SGTA: variants seen among roughly 807,000 people sequenced by gnomAD.
SGTA encodes small glutamine rich tetratricopeptide repeat co-chaperone alpha.
A neutral mutation model predicts 44.3 loss-of-function variants in SGTA; 22 were observed. The ratio of observed to expected loss-of-function variants is 0.50; its 90% CI spans 0.36 to 0.71. SGTA has a LOEUF of 0.71. Ranked by LOEUF, SGTA falls within the 30% of genes least tolerant of loss-of-function variation. The pLI, the probability that SGTA is intolerant of heterozygous loss-of-function variation, is 0.00. For missense variants in SGTA, 341 were observed against 435.9 expected, an observed-to-expected ratio of 0.78 and a Z score of 1.94; for synonymous variants, 174 against 177.6, an observed-to-expected ratio of 0.98 and a Z score of 0.16.
chr19:2,760,230 CTT>C (rs1914944232), intron 8 of SGTA, among the ~76,000 whole-genome samples: 1 of 151,994 alleles, frequency 6.6e-6, no homozygotes, highest in Non-Finnish European at 1.5e-5. Flanking sequence ...GCCAATAAAA[CTT>C]TATTGGTCAG....
Position 2,766,366 on chromosome 19 carries a change from T to A in SGTA, c.292+770A>T, listed in dbSNP as rs141438584. ...ATTCCACCGTGTAGATGGGCCATGC[T>A]GTGCTGACCATTTAGCGTGGACAGG... On this transcript the variant is annotated intron_variant, in intron 4 of 11. Transcript: ENST00000221566. Among the ~76,000 whole-genome samples, 599 of 152,236 alleles carry A rather than the reference T, an allele frequency of 3.9e-3. 6 individuals are homozygous for A. The Middle Eastern group carries it at 0.041, about 10-fold the overall frequency.
intron 1 of SGTA, among the ~76,000 whole-genome samples, chr19:2,781,175 A>T (rs1915566626): frequency 6.6e-6 from 1 of 152,202 alleles, no homozygotes; most frequent in South Asian, 2.1e-4. Context: ...TGTAGAATTG[A>T]GTAAGACGAC....
intron 1 of SGTA, among the ~76,000 whole-genome samples, chr19:2,769,539 T>C (rs1915241051): frequency 6.6e-6 from 1 of 152,204 alleles, no homozygotes; most frequent in Non-Finnish European, 1.5e-5. Flanking sequence ...AGAGACCTTG[T>C]CCTCAGCCAG....
intron 1 of SGTA, chr19:2,782,747 A>G (rs1232829810): frequency 6.6e-6 from 1 of 152,134 alleles, no homozygotes; most frequent in Non-Finnish European, 1.5e-5. Context: ...CTAGGCAGGG[A>G]CTTTTGAACA....
At chr19:2,770,437 G>A (rs545204122) in intron 1 of SGTA, 9 of 152,390 alleles carry the variant, frequency 5.9e-5, no homozygotes, top group Non-Finnish European at 8.8e-5. Flanking sequence ...AGCTTCCCCC[G>A]GGGCAGGCTG....
chr19:2,764,580 T>G (rs990241311), intron 5 of SGTA, among the ~76,000 whole-genome samples: 2 of 151,900 alleles, frequency 1.3e-5, no homozygotes, highest in Non-Finnish European at 2.9e-5. Context: ...GTGGTTTTTT[T>G]CGGGGTTTTT....
At chr19:2,756,792 A>C (rs1914830315) in intron 11 of SGTA, among the ~76,000 whole-genome samples, 1 of 152,110 alleles carries the variant, frequency 6.6e-6, no homozygotes, top group Non-Finnish European at 1.5e-5. Context: ...CCTGGAACCC[A>C]TGGGGGACAC....
rs1298178663 is a variant in SGTA at position 2,757,397 on chromosome 19, C to G, written c.888G>C (p.Arg296Ser). The change falls in exon 11 of 12, where the codon AGG becomes AGC. Residue 296 changes from arginine to serine, a missense_variant. Arg to Ser is a moderately radical substitution (Grantham distance 110). Coordinates refer to ENST00000221566, the MANE Select transcript of SGTA (RefSeq NM_003021.4). ...TGGGCGTCCGACTCCGGATCTGGCT[C>G]CTGAGCTGCTCTATCAACTCTGGGT... ...QQNPELIEQL[R>S]SQIRSRTPSA... 6.2e-7 allele frequency: 1 copy of G among 1,608,258 alleles called. No homozygotes were observed.
At position 2,759,688 on chromosome 19, in the gene SGTA, C is replaced by T. The variant is rs149402346; in HGVS notation, c.700-394G>A. On this transcript the variant is annotated intron_variant, in intron 8 of 11. Coordinates refer to ENST00000221566, the MANE Select transcript of SGTA (RefSeq NM_003021.4). ...CAATAAATAGCACTGTGGCTGGGCG[C>T]GGTGGTTCACGCCTGGAATCCCAGC... is the stretch of plus-strand genomic sequence containing the variant. 8.8e-3 allele frequency: 1,832 copies of T among 209,200 alleles called. 77 individuals carry two copies. Among genetic ancestry groups the T allele is most frequent in the Admixed American group, 0.079 (1,475 of 18,726 alleles). The allele number at this position is 209,200 out of a possible 1,614,324, so 13.0% of individuals were successfully genotyped here. A position where few individuals can be genotyped will look rare whatever the true frequency, so the allele number is the denominator to read the frequency against.
chr19:2,778,316 T>C (rs1223152963), intron 1 of SGTA, among the ~76,000 whole-genome samples: 1 of 152,160 alleles, frequency 6.6e-6, no homozygotes, highest in Non-Finnish European at 1.5e-5. Flanking sequence ...GGTGTACCTG[T>C]TTCCTTCTCT....
Position 2,755,442 on chromosome 19 carries a change from G to A in SGTA, c.*498C>T. 1 of 987,762 alleles carries A rather than the reference G, an allele frequency of 1.0e-6. No homozygotes were observed. The highest frequency in any genetic ancestry group is 1.2e-6 in the Non-Finnish European group (1 of 830,218). 61.2% of individuals were successfully genotyped at this position (987,762 alleles called of 1,614,324 possible). On this transcript the variant is annotated 3_prime_UTR_variant, in exon 12 of 12. Coordinates refer to ENST00000221566, the MANE Select transcript of SGTA (RefSeq NM_003021.4). The surrounding 1 kb of genome is among the most constrained non-coding windows in gnomAD (Gnocchi z 5.2). Reference sequence around the variant, plus strand: ...CGCGGTGCCCAGGCCGCAGCTGGCAGTGAGCTCTTCCGAGCAGGCACAGGG... The same window carrying A: ...CGCGGTGCCCAGGCCGCAGCTGGCAATGAGCTCTTCCGAGCAGGCACAGGG...
intron 1 of SGTA, among the ~76,000 whole-genome samples, chr19:2,779,414 T>C (rs573896789): frequency 6.6e-6 from 1 of 152,268 alleles, no homozygotes; most frequent in African/African-American, 2.4e-5. Context: ...AGCCAGGCTT[T>C]CCCGTAAGAA....
At chr19:2,762,059 A>G (rs1228963762) in intron 7 of SGTA, among the ~76,000 whole-genome samples, 3 of 152,068 alleles carry the variant, frequency 2.0e-5, no homozygotes, top group African/African-American at 7.2e-5. Flanking sequence ...TTTGAAATAC[A>G]AACAAACTAA....
rs994924434 is a variant in SGTA at position 2,765,622 on chromosome 19, C to T, written c.293-337G>A. 3.3e-5 allele frequency among the ~76,000 whole-genome samples: 5 copies of T among 152,170 alleles called. No individual in the cohort carries two copies. Among genetic ancestry groups the T allele is most frequent in the East Asian group, 1.9e-4 (1 of 5,196 alleles). ...TTAATACAGCTCACCGGCCCGGGGACGGAAACTGTCCCTTTCGCTATTGCT... is the reference window on the plus strand; with the variant it reads ...TTAATACAGCTCACCGGCCCGGGGATGGAAACTGTCCCTTTCGCTATTGCT... On this transcript the variant is annotated intron_variant, in intron 4 of 11. Transcript: ENST00000221566. The surrounding 1 kb of genome is among the most constrained non-coding windows in gnomAD (Gnocchi z 5.5).
At position 2,765,638 on chromosome 19, in the gene SGTA, C is replaced by T. The variant is rs1915117464; in HGVS notation, c.293-353G>A. ...GCCCGGGGACGGAAACTGTCCCTTT[C>T]GCTATTGCTTTTGGAAAGAGCCCAA... On this transcript the variant is annotated intron_variant, in intron 4 of 11. Transcript: ENST00000221566. This position sits in a 1 kb window ranked among gnomAD's most constrained non-coding sequence, Gnocchi z 5.5. Among the ~76,000 whole-genome samples, 1 of 152,146 alleles carries T rather than the reference C, an allele frequency of 6.6e-6. No individual in the cohort carries two copies. The highest frequency in any genetic ancestry group is 1.5e-5 in the Non-Finnish European group (1 of 68,018).
intron 1 of SGTA, among the ~76,000 whole-genome samples, chr19:2,780,147 T>G (rs995764483): frequency 6.6e-6 from 1 of 152,020 alleles, no homozygotes; most frequent in African/African-American, 2.4e-5. Flanking sequence ...CCAGAAGGGA[T>G]CATTCAATGG....
rs549744827 is a variant in SGTA at position 2,759,758 on chromosome 19, C to T, written c.700-464G>A. Among the ~76,000 whole-genome samples, 11 of 152,128 alleles carry T rather than the reference C, an allele frequency of 7.2e-5. No individual in the cohort carries two copies. In the East Asian group the frequency reaches 1.2e-3, roughly 16 times the overall value. On this transcript the variant is annotated intron_variant, in intron 8 of 11. Transcript: ENST00000221566. ...GGCAGATCGCTTGAGGTCAGGAGTT[C>T]GAGACCAGCCTAACCAACATGGTGA...
At chr19:2,766,770 C>A (rs1445022943) in intron 4 of SGTA, among the ~76,000 whole-genome samples, 1 of 151,690 alleles carries the variant, frequency 6.6e-6, no homozygotes. Context: ...AATACAGCTG[C>A]TGTGAACATG....
At chr19:2,782,676 C>T (rs1915598770) in intron 1 of SGTA, 1 of 152,234 alleles carries the variant, frequency 6.6e-6, no homozygotes, top group Non-Finnish European at 1.5e-5. Context: ...TGATATAAGA[C>T]GAACGCCTGC....
Sources: gnomAD v4.1 joint callset for allele counts (sites outside exome capture counted in the v4.1 genomes callset) on GRCh38, gnomAD v4.1.1 for gene constraint, Gnocchi (gnomAD v3.1) non-coding constraint, MANE v1.5 for transcripts, NCBI Gene and HGNC (gene_info 2026-07-23, HGNC 2026-07-21) for gene names.